The following UPF2 variants were observed in gnomAD, a reference collection of about 807,000 sequenced individuals.
UPF2 encodes the protein UPF2 regulator of nonsense mediated mRNA decay, also known as regulator of nonsense transcripts 2.
In UPF2, 17 loss-of-function variants were observed where a neutral mutation model predicts 141.4. That is an observed-to-expected ratio of 0.12 (90% CI 0.08 to 0.18). The LOEUF (loss-of-function observed/expected upper bound fraction) is 0.18. UPF2 is among the 10% of genes least tolerant of loss of function. UPF2 has a pLI of 1.00. For synonymous variants in UPF2, 540 were observed against 498.0 expected, an observed-to-expected ratio of 1.08 and a Z score of -1.12; for missense variants, 1,152 against 1,515.9, an observed-to-expected ratio of 0.76 and a Z score of 3.99.
At chr10:11,976,950 T>C (rs888084439) in intron 9 of UPF2, among the ~76,000 whole-genome samples, 5 of 152,178 alleles carry the variant, frequency 3.3e-5, no homozygotes, top group African/African-American at 1.2e-4. Flanking sequence ...AAACCAAGGC[T>C]TAGAACAGTT....
At chr10:11,934,476 G>A (rs958986012) in intron 19 of UPF2, among the ~76,000 whole-genome samples, 6 of 152,238 alleles carry the variant, frequency 3.9e-5, no homozygotes, top group Non-Finnish European at 8.8e-5. Context: ...AAGGCCGGAC[G>A]ATGGCAGTGT....
In UPF2 at chr10:12,035,365, T is replaced by C. The variant is rs1481589584; in HGVS notation, c.59A>G (p.Asn20Ser). ...SMEEKDSLPNNKEKDCSERRT... is the reference protein window; with the variant it reads ...SMEEKDSLPNSKEKDCSERRT... The stretch of plus-strand genomic sequence containing the variant: ...CCTTTCACTGCAGTCTTTTTCCTTG[T>C]TGTTTGGTAAAGAGTCTTTTTCTTC... The change falls in exon 2 of 22, where the codon AAC (asparagine) becomes AGC (serine). Residue 20 changes from asparagine to serine, a missense_variant. By Grantham distance (46) the Asn-to-Ser change is conservative. Coordinates refer to ENST00000357604, the MANE Select transcript of UPF2 (RefSeq NM_015542.4). 1 of 1,603,738 alleles carries C rather than the reference T, an allele frequency of 6.2e-7. No homozygotes were observed.
At chr10:12,017,502 G>T (rs1165814882) in intron 3 of UPF2, among the ~76,000 whole-genome samples, 3 of 152,168 alleles carry the variant, frequency 2.0e-5, no homozygotes, top group Non-Finnish European at 4.4e-5. Flanking sequence ...ATTCTATGAT[G>T]GTTCCCTGAG....
At chr10:11,970,118 T>A (rs183747036) in intron 9 of UPF2, among the ~76,000 whole-genome samples, 1 of 152,322 alleles carries the variant, frequency 6.6e-6, no homozygotes, top group Non-Finnish European at 1.5e-5. Context: ...GAGCAAGTCA[T>A]ATAAACTCCC....
At chr10:12,035,910 C>CA (rs1194679837) in intron 1 of UPF2, 2 of 152,422 alleles carry the variant, frequency 1.3e-5, no homozygotes, top group Non-Finnish European at 2.9e-5. Flanking sequence ...AGAAAGGAAA[C>CA]AAAAACAAGC....
chr10:11,934,758 T>C (rs1371893168), intron 19 of UPF2, among the ~76,000 whole-genome samples: 1 of 152,048 alleles, frequency 6.6e-6, no homozygotes, highest in African/African-American at 2.4e-5. Flanking sequence ...CCTGGCTAAT[T>C]TTTGTATTTT....
At position 12,025,126 on chromosome 10, in the gene UPF2, C is replaced by T. The variant is rs374215985; in HGVS notation, c.1145+3619G>A. Among the ~76,000 whole-genome samples the T allele has an allele frequency of 9.2e-5, 14 of 152,210 alleles. No homozygotes were observed. The East Asian group carries it at 2.5e-3, about 27-fold the overall frequency. On this transcript the variant is annotated intron_variant, in intron 3 of 21. Transcript: ENST00000357604. Reference sequence around the variant, plus strand: ...CGTATCTGCATCTTCTCTATAGTGGCTGCTCAAGTTGAAGCTATCCTAAGG... The same window carrying T: ...CGTATCTGCATCTTCTCTATAGTGGTTGCTCAAGTTGAAGCTATCCTAAGG...
At chr10:11,955,182 C>T in intron 14 of UPF2, 50 bp downstream of exon 14, 2 of 1,483,914 alleles carry the variant, frequency 1.3e-6, no homozygotes, top group Non-Finnish European at 1.8e-6. Context: ...TCTTTTAAAA[C>T]ACATGCAATA....
chr10:11,941,813 T>G (rs1392426480), intron 18 of UPF2, among the ~76,000 whole-genome samples: 1 of 152,226 alleles, frequency 6.6e-6, no homozygotes. Flanking sequence ...AGATTTTGTC[T>G]CTAACTCTAG....
rs1182711424 is a variant in UPF2, at chr10:12,029,422, T to C, written c.468A>G (p.Pro156=). 1.2e-6 allele frequency: 2 copies of C among 1,614,216 alleles called. No individual in the cohort carries two copies. The highest frequency in any genetic ancestry group is 1.7e-6 in the Non-Finnish European group (2 of 1,180,040). Residue 156 remains proline (P), a synonymous_variant, in exon 3 of 22, where the codon CCA becomes CCG. Coordinates refer to ENST00000357604, the MANE Select transcript of UPF2 (RefSeq NM_015542.4). The part of the protein sequence containing the change: ...SKNQNAPDSR[P]EENFFSRLDS... ...CGAGGCGGCTGAAGAAGTTTTCCTC[T>C]GGTCGGCTGTCCGGAGCATTTTGGT...
chr10:11,960,925 C>A (rs1267927530), intron 11 of UPF2, among the ~76,000 whole-genome samples: 1 of 151,798 alleles, frequency 6.6e-6, no homozygotes. Flanking sequence ...GACCCTGTCT[C>A]TATAAAATAA....
intron 8 of UPF2, among the ~76,000 whole-genome samples, chr10:11,984,213 G>A (rs1317118804): frequency 6.6e-6 from 1 of 152,190 alleles, no homozygotes; most frequent in Non-Finnish European, 1.5e-5. Context: ...GAGCCAGCGT[G>A]CCCGATCAAT....
rs1206415325 is a variant in UPF2 at position 11,939,853 on chromosome 10, C to T, written c.3378+2812G>A. ...TCTTGTAGAGCATTTCACTCATTTC[C>T]TGAAAATCTGTTAGCTATTTTGCTT... On this transcript the variant is annotated intron_variant, in intron 18 of 21. Coordinates refer to ENST00000357604, the MANE Select transcript of UPF2 (RefSeq NM_015542.4). This position sits in a 1 kb window ranked among gnomAD's most constrained non-coding sequence, Gnocchi z 4.8. 9.2e-5 allele frequency among the ~76,000 whole-genome samples: 14 copies of T among 152,104 alleles called. No individual in the cohort carries two copies. Among genetic ancestry groups the T allele is most frequent in the African/African-American group, 3.1e-4 (13 of 41,406 alleles).
In UPF2 at chr10:12,028,781, T is replaced by C. The variant is rs1834463778; in HGVS notation, c.1109A>G (p.Asp370Gly). The C allele has an allele frequency of 1.2e-6, 2 of 1,611,508 alleles. No individual in the cohort carries two copies. Among genetic ancestry groups the C allele is most frequent in the Non-Finnish European group, 8.5e-7 (1 of 1,179,196 alleles). ...FTSLTKHLKR[D>G]HRELQNTERQ... is the part of the protein sequence containing the mutation. ...CTCAGTATTCTGGAGCTCCCTGTGG[T>C]CCCTTTTCAGGTGTTTGGTCAAAGA... is the stretch of plus-strand genomic sequence containing the variant. The change falls in exon 3 of 22, where the codon GAC (aspartate) becomes GGC (glycine). Residue 370 changes from aspartate (D) to glycine (G), a missense_variant. Physicochemically the swap from Asp to Gly is moderately conservative, Grantham distance 94. Coordinates refer to ENST00000357604, the MANE Select transcript of UPF2 (RefSeq NM_015542.4).
At chr10:12,024,620 T>G (rs991062567) in intron 3 of UPF2, among the ~76,000 whole-genome samples, 2 of 151,218 alleles carry the variant, frequency 1.3e-5, no homozygotes, top group South Asian at 2.1e-4. Flanking sequence ...GAAAAATTAA[T>G]TAATTTATTT....
intron 16 of UPF2, among the ~76,000 whole-genome samples, chr10:11,944,529 T>C (rs1334347477): frequency 6.6e-6 from 1 of 152,028 alleles, no homozygotes; most frequent in African/African-American, 2.4e-5. Context: ...ATACATTACC[T>C]TTTCCCCCCA....
At chr10:11,937,271 C>T (rs1267957056) in intron 18 of UPF2, among the ~76,000 whole-genome samples, 2 of 152,124 alleles carry the variant, frequency 1.3e-5, no homozygotes, top group East Asian at 1.9e-4. Context: ...GAACCTTCAC[C>T]GAAGACTTGC....
chr10:11,938,867 T>TTTTTTTTTTG (rs1832896069), intron 18 of UPF2, among the ~76,000 whole-genome samples: 1 of 103,358 alleles, frequency 9.7e-6, no homozygotes, highest in Non-Finnish European at 2.0e-5. Flanking sequence ...TTTTTTTTTT[T>TTTTTTTTTTG]TTTTTTTTTT....
At chr10:11,994,205 G>T (rs567907376) in intron 8 of UPF2, among the ~76,000 whole-genome samples, 157 of 152,154 alleles carry the variant, frequency 1.0e-3, no homozygotes, top group African/African-American at 3.5e-3. Flanking sequence ...TAAACCATTA[G>T]CTAACATAAC....
Sources: gnomAD v4.1 joint callset for allele counts (sites outside exome capture counted in the v4.1 genomes callset) on GRCh38, gnomAD v4.1.1 for gene constraint, Gnocchi (gnomAD v3.1) non-coding constraint, MANE v1.5 for transcripts, NCBI Gene and HGNC (gene_info 2026-07-23, HGNC 2026-07-21) for gene names.